SLC14A2: variants seen among roughly 807,000 people sequenced by gnomAD.
SLC14A2 encodes solute carrier family 14 member 2.
In SLC14A2, 91 loss-of-function variants were observed where a neutral mutation model predicts 104.6. That is an observed-to-expected ratio of 0.87 (90% CI 0.73 to 1.04). SLC14A2 has a LOEUF of 1.04. Ranked by LOEUF, SLC14A2 falls within the 50% of genes least tolerant of loss-of-function variation. The pLI is 0.00. For missense variants in SLC14A2, 1,189 were observed against 1,156.0 expected, an observed-to-expected ratio of 1.03 and a Z score of -0.41; for synonymous variants, 476 against 466.4, an observed-to-expected ratio of 1.02 and a Z score of -0.27.
At chr18:45,452,205 A>G (rs1452977497) in intron 1 of SLC14A2, among the ~76,000 whole-genome samples, 2 of 152,210 alleles carry the variant, frequency 1.3e-5, no homozygotes, top group Non-Finnish European at 2.9e-5. Context: ...GGACTCAGAG[A>G]TGCCTGCATT....
intron 1 of SLC14A2, among the ~76,000 whole-genome samples, chr18:45,253,426 C>A (rs1026559651): frequency 4.6e-5 from 7 of 151,930 alleles, no homozygotes; most frequent in African/African-American, 1.7e-4. Context: ...CAGATTACTT[C>A]TACACAATGC....
intron 1 of SLC14A2, among the ~76,000 whole-genome samples, chr18:45,282,054 G>A (rs2084767949): frequency 6.6e-6 from 1 of 152,108 alleles, no homozygotes; most frequent in African/African-American, 2.4e-5. Context: ...CTGAGTCTTG[G>A]TGTAGCTCAC....
intron 1 of SLC14A2, among the ~76,000 whole-genome samples, chr18:45,333,377 A>T (rs1445555281): frequency 6.6e-6 from 1 of 152,210 alleles, no homozygotes; most frequent in African/African-American, 2.4e-5. Flanking sequence ...TAGAAAAGAG[A>T]TACTTGGGAA....
intron 1 of SLC14A2, among the ~76,000 whole-genome samples, chr18:45,318,317 C>T (rs75775339): frequency 1.3e-5 from 2 of 152,166 alleles, no homozygotes; most frequent in East Asian, 3.9e-4. Flanking sequence ...AGAGGAGGCC[C>T]AGGTTTGGGA....
intron 11 of SLC14A2, 95 bp from the exon 12 acceptor site, chr18:45,666,042 A>C: frequency 1.2e-6 from 1 of 843,114 alleles, no homozygotes; most frequent in Non-Finnish European, 2.0e-6. Context: ...AATACTGCAT[A>C]ATCTTAACAC....
rs540602341 is a variant in SLC14A2, at chr18:45,256,255, C to T, written c.-125+43064C>T. Reference sequence around the variant, plus strand: ...TGTTTCTCACTGGGAGTTAAAGGAACAGAAATAGATAAACTATGGCTGCTA... The same window carrying T: ...TGTTTCTCACTGGGAGTTAAAGGAATAGAAATAGATAAACTATGGCTGCTA... On this transcript the variant is annotated intron_variant, in intron 1 of 20. Transcript: ENST00000586448. Among the ~76,000 whole-genome samples, 4 of 152,300 alleles carry T rather than the reference C, an allele frequency of 2.6e-5. No individual in the cohort carries two copies. In the South Asian group the frequency reaches 8.3e-4, roughly 32 times the overall value.
Position 45,403,419 on chromosome 18 carries a change from T to G in SLC14A2, c.-124-79814T>G, listed in dbSNP as rs568421842. ...TACCATAGAACCTCATTTAAAATTT[T>G]TAAGCTAGTAATAGCAATAATTGCT... On this transcript the variant is annotated intron_variant, in intron 1 of 20. Transcript: ENST00000586448. 2.5e-4 allele frequency among the ~76,000 whole-genome samples: 38 copies of G among 152,348 alleles called. 1 individual carries two copies. In the South Asian group the frequency reaches 7.9e-3, roughly 32 times the overall value.
In SLC14A2 at chr18:45,291,301, A is replaced by G. The variant is rs546465278; in HGVS notation, c.-125+78110A>G. Among the ~76,000 whole-genome samples, 55 of 152,302 alleles carry G rather than the reference A, an allele frequency of 3.6e-4. 1 individual carries two copies. In the South Asian group the frequency reaches 0.011, roughly 31 times the overall value. ...CAGAGCGAGTAAGAGTAAGAAAAAA[A>G]AAAGAGACAATTCTTTCTTTCTCTC... On this transcript the variant is annotated intron_variant, in intron 1 of 20. Coordinates refer to the SLC14A2 transcript ENST00000586448.
intron 1 of SLC14A2, among the ~76,000 whole-genome samples, chr18:45,311,152 A>G (rs984897893): frequency 6.6e-6 from 1 of 152,248 alleles, no homozygotes; most frequent in Non-Finnish European, 1.5e-5. Context: ...CACATACTAA[A>G]AAGAAATGAA....
chr18:45,226,540 A>G (rs2084119103), intron 1 of SLC14A2, among the ~76,000 whole-genome samples: 1 of 152,044 alleles, frequency 6.6e-6, no homozygotes, highest in Admixed American at 6.6e-5. Flanking sequence ...GAAGCTGGAA[A>G]CCATCATTCT....
At chr18:45,567,535 GTCCTT>G (rs1266515609) in intron 2 of SLC14A2, among the ~76,000 whole-genome samples, 1 of 152,182 alleles carries the variant, frequency 6.6e-6, no homozygotes, top group Non-Finnish European at 1.5e-5. Flanking sequence ...GAGTCAGAGT[GTCCTT>G]TAAATTCAGA....
intron 1 of SLC14A2, among the ~76,000 whole-genome samples, chr18:45,349,113 T>G (rs1218642549): frequency 6.6e-6 from 1 of 152,224 alleles, no homozygotes; most frequent in Non-Finnish European, 1.5e-5. Context: ...AATTTCTCTG[T>G]GCTCATTTCG....
intron 1 of SLC14A2, among the ~76,000 whole-genome samples, chr18:45,217,457 T>C (rs1428275815): frequency 6.6e-6 from 1 of 151,856 alleles, no homozygotes; most frequent in East Asian, 1.9e-4. Context: ...GTTAGAACAG[T>C]GAGGAATGGC....
intron 4 of SLC14A2, among the ~76,000 whole-genome samples, chr18:45,629,301 G>A (rs2045309221): frequency 6.6e-6 from 1 of 152,194 alleles, no homozygotes; most frequent in Non-Finnish European, 1.5e-5. Flanking sequence ...GCCATTCAAA[G>A]TCAGATGGAT....
chr18:45,198,520 T>G, the SLC14A2 span, among the ~76,000 whole-genome samples: 1 of 152,174 alleles, frequency 6.6e-6, no homozygotes, highest in Non-Finnish European at 1.5e-5. Context: ...GCTTCCCCCA[T>G]GTACATTTGG....
chr18:45,201,154 C>T, the SLC14A2 span, among the ~76,000 whole-genome samples: 1 of 152,036 alleles, frequency 6.6e-6, no homozygotes, highest in East Asian at 1.9e-4. Context: ...AGAAAAAGTG[C>T]TATTCTCATC....
chr18:45,286,252 C>T (rs1463586590), intron 1 of SLC14A2, among the ~76,000 whole-genome samples: 1 of 152,104 alleles, frequency 6.6e-6, no homozygotes, highest in Non-Finnish European at 1.5e-5. Flanking sequence ...TCATTATTTC[C>T]ATCTTTGTTC....
At chr18:45,509,652 T>C (rs554092537) in intron 2 of SLC14A2, among the ~76,000 whole-genome samples, 2 of 152,332 alleles carry the variant, frequency 1.3e-5, no homozygotes, top group African/African-American at 2.4e-5. Flanking sequence ...GGTCACATGG[T>C]GTCGGCAATC....
chr18:45,671,262 CCCA>C (rs373334975), intron 16 of SLC14A2, among the ~76,000 whole-genome samples: 2 of 151,620 alleles, frequency 1.3e-5, no homozygotes, highest in African/African-American at 2.4e-5. Flanking sequence ...ACACTTGAGA[CCCA>C]CCACCACCAC....
Sources: allele counts gnomAD v4.1 joint callset (sites outside exome capture counted in the v4.1 genomes callset), GRCh38; gene constraint gnomAD v4.1.1; transcripts MANE v1.5; gene names NCBI Gene and HGNC (gene_info 2026-07-23, HGNC 2026-07-21).